UGT1A8: variants seen among roughly 807,000 people sequenced by gnomAD.
UGT1A8 encodes UDP glucuronosyltransferase family 1 member A8, also known as UDP-glucuronosyltransferase 1A8.
UGT1A8 carries 39 observed loss-of-function variants against 45.3 expected under a neutral mutation model. The observed-to-expected ratio is 0.86, with a 90% CI of 0.67 to 1.12. The LOEUF (loss-of-function observed/expected upper bound fraction) is 1.12, where lower values mean the gene tolerates loss of function less well. Among genes scored for constraint, UGT1A8 ranks in the 50% most tolerant of loss-of-function variants. The pLI is 0.00. For synonymous variants in UGT1A8, 275 were observed against 249.2 expected, an observed-to-expected ratio of 1.10 and a Z score of -0.97; for missense variants, 719 against 664.9, an observed-to-expected ratio of 1.08 and a Z score of -0.90.
chr2:233,629,068 G>A (rs939809781), intron 1 of UGT1A8, among the ~76,000 whole-genome samples: 6 of 152,010 alleles, frequency 3.9e-5, no homozygotes, highest in South Asian at 2.1e-4. Context: ...TCTAGAACTC[G>A]CTTCATCTTC....
chr2:233,714,052 C>G (rs2076362832), intron 1 of UGT1A8, among the ~76,000 whole-genome samples: 1 of 152,078 alleles, frequency 6.6e-6, no homozygotes, highest in Non-Finnish European at 1.5e-5. Context: ...TCAATGGCCA[C>G]TGAGAGGAAG....
chr2:233,647,656 A>G (rs1646682266), intron 1 of UGT1A8, among the ~76,000 whole-genome samples: 1 of 152,124 alleles, frequency 6.6e-6, no homozygotes, highest in South Asian at 2.1e-4. Context: ...ATTCCATCTA[A>G]GTTGTAGATT....
intron 1 of UGT1A8, among the ~76,000 whole-genome samples, chr2:233,737,291 C>T (rs771202553): frequency 3.3e-5 from 5 of 152,210 alleles, no homozygotes; most frequent in South Asian, 2.1e-4. Context: ...GCCAGGCTGC[C>T]GCCTCACAGT....
chr2:233,713,178 C>T, intron 1 of UGT1A8: 1 of 1,614,224 alleles, frequency 6.2e-7, no homozygotes, highest in Non-Finnish European at 8.5e-7. Flanking sequence ...GGTCCTCACC[C>T]TGGAGGTGAA....
At chr2:233,719,118 T>G (rs1175236836) in intron 1 of UGT1A8, 4 of 1,614,062 alleles carry the variant, frequency 2.5e-6, no homozygotes, top group Non-Finnish European at 2.5e-6. Context: ...CACTCAAGGG[T>G]TCTTTGAAAC....
rs984490888 is a variant in UGT1A8 at position 233,712,882 on chromosome 2, T to C, written c.856-54152T>C. On this transcript the variant is annotated intron_variant, in intron 1 of 4. Coordinates refer to ENST00000373450, the MANE Select transcript of UGT1A8 (RefSeq NM_019076.5). The stretch of plus-strand genomic sequence containing the variant: ...TGGAGGAGGGCACTCTGTCTTCAAT[T>C]ACATGTTGATTTGCTAGGTGTCTCA... 8.8e-6 allele frequency: 14 copies of C among 1,599,650 alleles called. No individual in the cohort carries two copies. In the African/African-American group the frequency reaches 1.9e-4, roughly 21 times the overall value.
chr2:233,764,256 T>A (rs367961142), intron 1 of UGT1A8, among the ~76,000 whole-genome samples: 39 of 152,260 alleles, frequency 2.6e-4, no homozygotes, highest in African/African-American at 9.4e-4. Context: ...TCAGTTAATA[T>A]GTTGCTTCAC....
chr2:233,652,784 A>T (rs1332132361), intron 1 of UGT1A8, among the ~76,000 whole-genome samples: 1 of 152,210 alleles, frequency 6.6e-6, no homozygotes, highest in Non-Finnish European at 1.5e-5. Flanking sequence ...AAGAATGAAG[A>T]TGCACCCTTA....
intron 1 of UGT1A8, among the ~76,000 whole-genome samples, chr2:233,748,979 CT>C (rs1333740168): frequency 1.3e-5 from 2 of 151,700 alleles, no homozygotes; most frequent in Non-Finnish European, 2.9e-5. Flanking sequence ...GGATCTACTT[CT>C]TTACCAACAA....
rs1275008504 is a variant in UGT1A8, at chr2:233,682,526, T to C, written c.855+63964T>C. On this transcript the variant is annotated intron_variant, in intron 1 of 4. Coordinates refer to ENST00000373450, the MANE Select transcript of UGT1A8 (RefSeq NM_019076.5). ...CTATGTCCCCAGACTTCTCTTAGGG[T>C]TCTCAGACGCCATGACTTTCAAGGA... is the stretch of plus-strand genomic sequence containing the variant. The C allele has an allele frequency of 2.5e-6, 4 of 1,613,918 alleles. No homozygotes were observed. The Admixed American group carries it at 6.7e-5, about 27-fold the overall frequency.
intron 1 of UGT1A8, chr2:233,713,447 C>A: frequency 6.2e-7 from 1 of 1,614,140 alleles, no homozygotes; most frequent in Non-Finnish European, 8.5e-7. Context: ...TTCTAACAGA[C>A]CCCTTTCACC....
Position 233,638,088 on chromosome 2 carries a change from A to G in UGT1A8, c.855+19526A>G, listed in dbSNP as rs539047899. Among the ~76,000 whole-genome samples the G allele has an allele frequency of 5.9e-5, 9 of 152,300 alleles. No homozygotes were observed. In the South Asian group the frequency reaches 1.2e-3, roughly 21 times the overall value. On this transcript the variant is annotated intron_variant, in intron 1 of 4. Transcript: ENST00000373450. ...TCTTGCTTTTATCTTAGTAGACTAG[A>G]GTCCTACACGTAGGGTTACAGGGTT...
chr2:233,673,379 A>G (rs2074257660), intron 1 of UGT1A8, among the ~76,000 whole-genome samples: 1 of 152,202 alleles, frequency 6.6e-6, no homozygotes, highest in Non-Finnish European at 1.5e-5. Flanking sequence ...TAACCAATTA[A>G]TATTGATATA....
intron 1 of UGT1A8, among the ~76,000 whole-genome samples, chr2:233,751,639 C>T (rs967910288): frequency 6.6e-6 from 1 of 152,174 alleles, no homozygotes; most frequent in African/African-American, 2.4e-5. Context: ...CAGTTTCCCC[C>T]TTGCTGTTCT....
chr2:233,757,842 T>G (rs904843638), intron 1 of UGT1A8, among the ~76,000 whole-genome samples: 1 of 151,920 alleles, frequency 6.6e-6, no homozygotes, highest in Non-Finnish European at 1.5e-5. Context: ...GCCTACTAAC[T>G]TATGTCTTCA....
chr2:233,638,131 C>A (rs2073351104), intron 1 of UGT1A8, among the ~76,000 whole-genome samples: 1 of 152,280 alleles, frequency 6.6e-6, no homozygotes, highest in South Asian at 2.1e-4. Context: ...ATTGAGAAGA[C>A]TGGCATCTTT....
At chr2:233,634,600 G>GT (rs976229039) in intron 1 of UGT1A8, among the ~76,000 whole-genome samples, 5 of 152,038 alleles carry the variant, frequency 3.3e-5, no homozygotes, top group Admixed American at 2.6e-4. Flanking sequence ...TTTAAAGTCT[G>GT]TTTTTATCAG....
In UGT1A8 at chr2:233,653,376, T is replaced by C. The variant is rs1365458883; in HGVS notation, c.855+34814T>C. On this transcript the variant is annotated intron_variant, in intron 1 of 4. Coordinates refer to ENST00000373450, the MANE Select transcript of UGT1A8 (RefSeq NM_019076.5). ...ATGACCTTCATATAGGTGTATCAAT[T>C]GTGAGAAGATGAATCATATTCTTAA... 1.2e-4 allele frequency among the ~76,000 whole-genome samples: 18 copies of C among 152,168 alleles called. 1 individual carries two copies. The highest frequency in any genetic ancestry group is 1.2e-3 in the Admixed American group (18 of 15,288).
At chr2:233,658,983 G>T (rs1031877194) in intron 1 of UGT1A8, among the ~76,000 whole-genome samples, 1 of 152,120 alleles carries the variant, frequency 6.6e-6, no homozygotes, top group South Asian at 2.1e-4. Flanking sequence ...ACAAAAAAAA[G>T]CCTGTTGGGA....
Sources: allele counts gnomAD v4.1 joint callset (sites outside exome capture counted in the v4.1 genomes callset), GRCh38; gene constraint gnomAD v4.1.1; transcripts MANE v1.5; gene names NCBI Gene and HGNC (gene_info 2026-07-23, HGNC 2026-07-21).